CACNA2D2: variants seen among roughly 807,000 people sequenced by gnomAD.
CACNA2D2 encodes the protein voltage-dependent calcium channel subunit alpha-2/delta-2.
In CACNA2D2, 48 loss-of-function variants were observed where a neutral mutation model predicts 166.4. That is an observed-to-expected ratio of 0.29 (90% CI 0.23 to 0.37). The LOEUF (loss-of-function observed/expected upper bound fraction) is 0.37, where lower values mean the gene tolerates loss of function less well. CACNA2D2 is among the 10% of genes least tolerant of loss of function. The pLI, the probability that CACNA2D2 is intolerant of heterozygous loss-of-function variation, is 1.00. For missense variants in CACNA2D2, 1,122 were observed against 1,433.0 expected, an observed-to-expected ratio of 0.78 and a Z score of 3.50; for synonymous variants, 561 against 573.7, an observed-to-expected ratio of 0.98 and a Z score of 0.32.
chr3:50,378,317 G>C lies in CACNA2D2; in HGVS notation c.1356C>G (p.Ile452Met), dbSNP rs1705100149. 1 of 1,552,040 alleles carries C rather than the reference G, an allele frequency of 6.4e-7. No individual in the cohort carries two copies. The highest frequency in any genetic ancestry group is 1.2e-5 in the South Asian group (1 of 84,156). ...TGATGCGGATGGCTCCGATGGAAGG[G>C]ATCTCAAAATAGTAGCCTGTGAAGG... ...ACANKGYYFE[I>M]PSIGAIRINT... is the part of the protein sequence containing the mutation. The change falls in exon 14 of 38, where the codon ATC becomes ATG. Residue 452 changes from isoleucine to methionine, a missense_variant. Ile to Met is a conservative substitution (Grantham distance 10). Coordinates refer to ENST00000424201, the MANE Select transcript of CACNA2D2 (RefSeq NM_006030.4).
intron 2 of CACNA2D2, among the ~76,000 whole-genome samples, chr3:50,449,141 T>C (rs1708991323): frequency 6.6e-6 from 1 of 152,256 alleles, no homozygotes; most frequent in African/African-American, 2.4e-5. Flanking sequence ...GCTTCATCAC[T>C]GAACTCCTAA....
At chr3:50,383,195 C>T (rs1434959343) in intron 6 of CACNA2D2, among the ~76,000 whole-genome samples, 2 of 152,202 alleles carry the variant, frequency 1.3e-5, no homozygotes, top group Non-Finnish European at 2.9e-5. Context: ...CTGGCTCGGG[C>T]AGGTGGCCTG....
chr3:50,449,406 G>A (rs531943390), intron 2 of CACNA2D2, among the ~76,000 whole-genome samples: 5 of 152,282 alleles, frequency 3.3e-5, no homozygotes, highest in Middle Eastern at 3.4e-3. Flanking sequence ...ATGAGCAGTC[G>A]CCCAGGAGAG....
intron 3 of CACNA2D2, among the ~76,000 whole-genome samples, chr3:50,408,455 C>T (rs143596593): frequency 6.6e-6 from 1 of 152,350 alleles, no homozygotes; most frequent in Non-Finnish European, 1.5e-5. Flanking sequence ...GCAGAGGTGA[C>T]AGGCAGACAA....
At chr3:50,477,624 A>G (rs765735313) in intron 1 of CACNA2D2, among the ~76,000 whole-genome samples, 5 of 152,184 alleles carry the variant, frequency 3.3e-5, no homozygotes, top group Non-Finnish European at 7.4e-5. Flanking sequence ...ATCCCACTTG[A>G]CACACTCCCA....
chr3:50,369,462 T>C (rs587653968), intron 23 of CACNA2D2, among the ~76,000 whole-genome samples: 1 of 152,328 alleles, frequency 6.6e-6, no homozygotes, highest in South Asian at 2.1e-4. Flanking sequence ...CATATGTACA[T>C]GGTGACTCAC....
intron 3 of CACNA2D2, among the ~76,000 whole-genome samples, chr3:50,400,487 A>G (rs953943921): frequency 1.3e-5 from 2 of 152,248 alleles, no homozygotes; most frequent in African/African-American, 4.8e-5. Context: ...TGGCCCTCAC[A>G]TGATGTGCTC....
rs149651063 is a variant in CACNA2D2 at position 50,458,882 on chromosome 3, C to T, written c.288+17236G>A. ...GACCGGGAGAACCTTCTCTGGGGAACCTGCTCAGTCAGGCCTGTGCCATCC... is the reference window on the plus strand; with the variant it reads ...GACCGGGAGAACCTTCTCTGGGGAATCTGCTCAGTCAGGCCTGTGCCATCC... On this transcript the variant is annotated intron_variant, in intron 2 of 37. Transcript: ENST00000424201. Among the ~76,000 whole-genome samples, 13 of 152,352 alleles carry T rather than the reference C, an allele frequency of 8.5e-5. No homozygotes were observed. The East Asian group carries it at 2.5e-3, about 29-fold the overall frequency.
At chr3:50,470,592 GA>G (rs1710030110) in intron 2 of CACNA2D2, among the ~76,000 whole-genome samples, 1 of 124,826 alleles carries the variant, frequency 8.0e-6, no homozygotes, top group African/African-American at 3.3e-5. Flanking sequence ...TATATGGGGG[GA>G]GGGGGCGGGG....
intron 3 of CACNA2D2, among the ~76,000 whole-genome samples, chr3:50,417,981 G>A (rs1264537484): frequency 1.3e-5 from 2 of 152,150 alleles, no homozygotes; most frequent in East Asian, 1.9e-4. Flanking sequence ...TACAGTGGGA[G>A]GAAGAGCCAC....
At chr3:50,399,829 T>C (rs1232897141) in intron 3 of CACNA2D2, among the ~76,000 whole-genome samples, 3 of 152,152 alleles carry the variant, frequency 2.0e-5, no homozygotes, top group South Asian at 4.1e-4. Flanking sequence ...CTCAGGTCCC[T>C]CCTGCCACCC....
chr3:50,377,705 A>G (rs769940533), intron 16 of CACNA2D2, 27 bp downstream of exon 16: 1 of 1,604,254 alleles, frequency 6.2e-7, no homozygotes, highest in Admixed American at 1.7e-5. Context: ...AGGCACACCC[A>G]TAGCCCCAAC....
chr3:50,389,228 C>A (rs1014011857), intron 4 of CACNA2D2, among the ~76,000 whole-genome samples: 2 of 152,172 alleles, frequency 1.3e-5, no homozygotes, highest in African/African-American at 4.8e-5. Flanking sequence ...CCGACCGAAG[C>A]GCATAATGAA....
Position 50,363,258 on chromosome 3 carries a change from C to CCA in CACNA2D2, c.*1406_*1407dup, listed in dbSNP as rs148001153. The CCA allele has an allele frequency of 6.8e-5, 27 of 398,140 alleles. No individual in the cohort carries two copies. The highest frequency in any genetic ancestry group is 5.7e-4 in the Admixed American group (13 of 22,652). The allele number at this position is 398,140 out of a possible 1,614,324, so 24.7% of individuals were successfully genotyped here. ...CCCTGGCACCAGCAGTGGGCATGGA[C>CCA]CACACACACACACTGAGAAAGCGAC... On this transcript the variant is annotated 3_prime_UTR_variant, in exon 38 of 38. Transcript: ENST00000424201.
chr3:50,394,042 C>G lies in CACNA2D2; in HGVS notation c.465+67G>C. 2.7e-6 allele frequency: 4 copies of G among 1,454,556 alleles called. No individual in the cohort carries two copies. The South Asian group carries it at 4.6e-5, about 17-fold the overall frequency. The allele number at this position is 1,454,556 out of a possible 1,614,324, so 90.1% of individuals were successfully genotyped here. On this transcript the variant is annotated intron_variant, in intron 4 of 37. Coordinates refer to ENST00000424201, the MANE Select transcript of CACNA2D2 (RefSeq NM_006030.4). The stretch of plus-strand genomic sequence containing the variant: ...TCATGTGTCTGGGCAGCTCCCACCC[C>G]CCAGCATTCAAATCCACGCATGGAT...
intron 1 of CACNA2D2, among the ~76,000 whole-genome samples, chr3:50,477,549 A>C (rs1208384654): frequency 6.6e-6 from 1 of 152,186 alleles, no homozygotes; most frequent in African/African-American, 2.4e-5. Context: ...AGCCAGAGAG[A>C]ACCACACAGA....
At chr3:50,472,297 C>T (rs1419051493) in intron 2 of CACNA2D2, among the ~76,000 whole-genome samples, 1 of 152,244 alleles carries the variant, frequency 6.6e-6, no homozygotes, top group Non-Finnish European at 1.5e-5. Context: ...ACATGGGTCA[C>T]GCCGTATGCC....
chr3:50,461,666 C>T (rs754268651), intron 2 of CACNA2D2, among the ~76,000 whole-genome samples: 8 of 147,378 alleles, frequency 5.4e-5, no homozygotes, highest in African/African-American at 1.0e-4. Context: ...GAGGCTGAGG[C>T]AGGAGAATCG....
chr3:50,455,652 AC>A (rs764762266), intron 2 of CACNA2D2, among the ~76,000 whole-genome samples: 1 of 152,090 alleles, frequency 6.6e-6, no homozygotes, highest in Non-Finnish European at 1.5e-5. Flanking sequence ...CGCAACAAGG[AC>A]CTCAGGGAGC....
Sources: gnomAD v4.1 joint callset for allele counts (sites outside exome capture counted in the v4.1 genomes callset) on GRCh38, gnomAD v4.1.1 for gene constraint, MANE v1.5 for transcripts, NCBI Gene and HGNC (gene_info 2026-07-23, HGNC 2026-07-21) for gene names.